Variants in SLC35F4 observed in about 807,000 individuals in gnomAD.
SLC35F4 encodes solute carrier family 35 member F4.
A neutral mutation model predicts 44.2 loss-of-function variants in SLC35F4; 24 were observed. That is an observed-to-expected ratio of 0.54 (90% CI 0.39 to 0.76). The LOEUF (loss-of-function observed/expected upper bound fraction) is 0.76. Among genes scored for constraint, SLC35F4 ranks in the 30% least tolerant of loss-of-function variants. The pLI, the probability that SLC35F4 is intolerant of heterozygous loss-of-function variation, is 0.00. For synonymous variants in SLC35F4, 238 were observed against 223.6 expected, an observed-to-expected ratio of 1.06 and a Z score of -0.57; for missense variants, 562 against 586.1, an observed-to-expected ratio of 0.96 and a Z score of 0.42.
At chr14:57,625,576 C>G (rs2072431928) in intron 1 of SLC35F4, among the ~76,000 whole-genome samples, 1 of 152,156 alleles carries the variant, frequency 6.6e-6, no homozygotes, top group East Asian at 1.9e-4. Flanking sequence ...AGAAACCAAA[C>G]AGCATGGTAC....
At chr14:57,734,067 A>C (rs1311653530) in intron 1 of SLC35F4, among the ~76,000 whole-genome samples, 1 of 152,162 alleles carries the variant, frequency 6.6e-6, no homozygotes, top group Non-Finnish European at 1.5e-5. Flanking sequence ...GTCTTTCTGG[A>C]AATAAGAATC....
intron 1 of SLC35F4, among the ~76,000 whole-genome samples, chr14:57,799,737 C>T (rs952417799): frequency 9.2e-5 from 14 of 152,232 alleles, no homozygotes; most frequent in African/African-American, 3.4e-4. Flanking sequence ...GCTGCCTTGC[C>T]AGATCATGGT....
chr14:57,585,336 C>T (rs1447799785), intron 3 of SLC35F4, among the ~76,000 whole-genome samples: 1 of 152,098 alleles, frequency 6.6e-6, no homozygotes. Context: ...TGGAACGTAT[C>T]TATCTCAAAA....
chr14:57,732,679 A>G (rs1421403358), intron 1 of SLC35F4, among the ~76,000 whole-genome samples: 1 of 152,138 alleles, frequency 6.6e-6, no homozygotes, highest in Non-Finnish European at 1.5e-5. Context: ...TTCTACAAGG[A>G]GGGATGAGGA....
At chr14:57,794,845 GA>G (rs772137269) in intron 1 of SLC35F4, among the ~76,000 whole-genome samples, 1 of 151,674 alleles carries the variant, frequency 6.6e-6, no homozygotes, top group African/African-American at 2.4e-5. Flanking sequence ...ATACTTCTGG[GA>G]AAAAAAACTG....
chr14:57,975,459 T>C (rs7146669), downstream of SLC35F4, among the ~76,000 whole-genome samples: 56,712 of 152,088 alleles, frequency 0.37, 11,081 homozygotes, highest in African/African-American at 0.5. Flanking sequence ...CACAATGCTT[T>C]TGTATGGGAC....
intron 1 of SLC35F4, among the ~76,000 whole-genome samples, chr14:57,726,088 G>C (rs1046814316): frequency 1.3e-5 from 2 of 152,104 alleles, no homozygotes; most frequent in Non-Finnish European, 2.9e-5. Context: ...GTGTTGGCTG[G>C]GGTGATTGAC....
downstream of SLC35F4, among the ~76,000 whole-genome samples, chr14:57,974,577 G>A (rs1007545732): frequency 6.6e-6 from 1 of 152,124 alleles, no homozygotes; most frequent in African/African-American, 2.4e-5. Flanking sequence ...TGAGAAGTAA[G>A]ACATCAAATG....
In SLC35F4 at chr14:57,584,663, A is replaced by C. The variant is rs182516425; in HGVS notation, c.588-3230T>G. The stretch of plus-strand genomic sequence containing the variant: ...CACTATAGGTAGAGTGCTAAATCAG[A>C]TTTTACTAAGTTCAGAGTTAGTCTG... On this transcript the variant is annotated intron_variant, in intron 3 of 7. Coordinates refer to ENST00000556826, the MANE Select transcript of SLC35F4 (RefSeq NM_001306087.2). 1.7e-4 allele frequency among the ~76,000 whole-genome samples: 26 copies of C among 152,292 alleles called. No individual in the cohort carries two copies. In the South Asian group the frequency reaches 5.4e-3, roughly 32 times the overall value.
At chr14:57,619,319 C>G (rs1245558151) in intron 1 of SLC35F4, among the ~76,000 whole-genome samples, 2 of 152,172 alleles carry the variant, frequency 1.3e-5, no homozygotes, top group Non-Finnish European at 2.9e-5. Context: ...GGGTGCCCCT[C>G]TGGGACAAAG....
intron 1 of SLC35F4, among the ~76,000 whole-genome samples, chr14:57,913,933 A>T (rs906372777): frequency 4.6e-5 from 7 of 152,176 alleles, no homozygotes; most frequent in African/African-American, 1.7e-4. Context: ...CTTTTGAAGG[A>T]TAATTTTACA....
At chr14:57,632,223 C>T in intron 1 of SLC35F4, among the ~76,000 whole-genome samples, 1 of 151,964 alleles carries the variant, frequency 6.6e-6, no homozygotes, top group East Asian at 1.9e-4. Flanking sequence ...GTTTGCAGTT[C>T]TAGCAAAGAG....
At chr14:57,651,995 C>T (rs1237022108) in intron 1 of SLC35F4, among the ~76,000 whole-genome samples, 1 of 152,056 alleles carries the variant, frequency 6.6e-6, no homozygotes, top group African/African-American at 2.4e-5. Flanking sequence ...AAAGGACTGA[C>T]CCACTGGATC....
chr14:57,815,893 G>T (rs1882512415), intron 1 of SLC35F4, among the ~76,000 whole-genome samples: 1 of 152,146 alleles, frequency 6.6e-6, no homozygotes, highest in African/African-American at 2.4e-5. Context: ...GTGATGAAAA[G>T]TCAGCATGTA....
At chr14:57,926,720 A>C (rs1889578611) in intron 1 of SLC35F4, among the ~76,000 whole-genome samples, 1 of 28,072 alleles carries the variant, frequency 3.6e-5, no homozygotes. Flanking sequence ...ACAATGAAGT[A>C]GGGTTGGGGG....
At chr14:57,618,503 G>C (rs1317781507) in intron 1 of SLC35F4, among the ~76,000 whole-genome samples, 1 of 152,184 alleles carries the variant, frequency 6.6e-6, no homozygotes, top group Non-Finnish European at 1.5e-5. Context: ...GGTGCACTCT[G>C]GCCCAGATAC....
At chr14:57,661,816 C>G (rs1369641703) in intron 1 of SLC35F4, among the ~76,000 whole-genome samples, 1 of 152,148 alleles carries the variant, frequency 6.6e-6, no homozygotes, top group Non-Finnish European at 1.5e-5. Context: ...TTCAGGATAT[C>G]TGAAGTGGGC....
chr14:57,852,755 A>T (rs1330983353), intron 1 of SLC35F4, among the ~76,000 whole-genome samples: 11 of 152,336 alleles, frequency 7.2e-5, no homozygotes, highest in Non-Finnish European at 2.9e-5. Context: ...GTCCTCTAGA[A>T]TGCCTATAAC....
Position 57,569,817 on chromosome 14 carries a change from C to A in SLC35F4, c.1097G>T (p.Cys366Phe), listed in dbSNP as rs749169064. ...CCACAGCCCTGCCATCCCACAGAGA[C>A]AGCCCCATGGCAGAGCAGCAAAAGA... ...WSSFAALPWG[C>F]LCGMAGLWLA... Residue 366 changes from cysteine to phenylalanine, a missense_variant, in exon 6 of 8, where the codon TGT becomes TTT. By Grantham distance (205) the Cys-to-Phe change is radical (BLOSUM62 -2). Coordinates refer to ENST00000556826, the MANE Select transcript of SLC35F4 (RefSeq NM_001306087.2). The A allele has an allele frequency of 2.5e-6, 4 of 1,609,098 alleles. No homozygotes were observed. Among genetic ancestry groups the A allele is most frequent in the Middle Eastern group, 1.7e-4 (1 of 6,054 alleles).
Sources: gnomAD v4.1 joint callset for allele counts (sites outside exome capture counted in the v4.1 genomes callset) on GRCh38, gnomAD v4.1.1 for gene constraint, MANE v1.5 for transcripts, NCBI Gene and HGNC (gene_info 2026-07-23, HGNC 2026-07-21) for gene names.